The following LTAP1 variants were observed in gnomAD, a reference collection of about 807,000 sequenced individuals.
LTAP1 encodes HCV NS5A-transactivated protein 4.
At chr1:154,207,415 T>A in the LTAP1 span, 4 of 1,603,988 alleles carry the variant, frequency 2.5e-6, no homozygotes, top group Non-Finnish European at 2.6e-6. Context: ...ACATTGCAAC[T>A]GACTGGCTTA....
At chr1:154,220,062 T>C in the LTAP1 span, 12 of 935,308 alleles carry the variant, frequency 1.3e-5, no homozygotes, top group African/African-American at 3.4e-5. Flanking sequence ...AGGGTAAAAC[T>C]TGGGGCAAAG....
chr1:154,219,718 G>A, the LTAP1 span: 502 of 786,704 alleles, frequency 6.4e-4, 5 homozygotes, highest in East Asian at 0.013. Flanking sequence ...GTAAGTACAA[G>A]GACAAGTGCA....
At chr1:154,216,028 G>A in the LTAP1 span, among the ~76,000 whole-genome samples, 53 of 150,918 alleles carry the variant, frequency 3.5e-4, no homozygotes, top group African/African-American at 1.2e-3. Context: ...TAGTAGAGAC[G>A]GGGTTTCACC....
chr1:154,214,494 A>T, the LTAP1 span: 1 of 1,614,038 alleles, frequency 6.2e-7, no homozygotes, highest in Non-Finnish European at 8.5e-7. Context: ...GTAGTCTAGC[A>T]TCATCATCTG....
chr1:154,207,540 G>C, the LTAP1 span: 3 of 1,614,186 alleles, frequency 1.9e-6, no homozygotes, highest in South Asian at 2.2e-5. Flanking sequence ...TCTGACTGGA[G>C]GGGAGGTATG....
the LTAP1 span, among the ~76,000 whole-genome samples, chr1:154,210,336 G>T: frequency 6.6e-6 from 1 of 152,176 alleles, no homozygotes; most frequent in Non-Finnish European, 1.5e-5. Context: ...ACTGCTCCAG[G>T]CCTTGGCCCT....
the LTAP1 span, among the ~76,000 whole-genome samples, chr1:154,217,344 C>A: frequency 1.3e-5 from 2 of 152,160 alleles, no homozygotes; most frequent in East Asian, 1.9e-4. Flanking sequence ...AATGAACATA[C>A]CCCCTTCACC....
the LTAP1 span, among the ~76,000 whole-genome samples, chr1:154,215,861 G>A: frequency 1.4e-5 from 2 of 145,740 alleles, no homozygotes; most frequent in East Asian, 2.0e-4. Flanking sequence ...TTTTTGAGAC[G>A]GAGTCTCGCT....
chr1:154,216,968 G>C, the LTAP1 span, among the ~76,000 whole-genome samples: 19 of 136,436 alleles, frequency 1.4e-4, no homozygotes, highest in Middle Eastern at 4.0e-3. Context: ...TTTTTTTTTT[G>C]ATACAGAGAC....
the LTAP1 span, chr1:154,212,222 T>C: frequency 7.6e-3 from 9,798 of 1,286,146 alleles, 437 homozygotes; most frequent in African/African-American, 0.11. Flanking sequence ...TATGGTATCA[T>C]GGATTTTGTT....
At chr1:154,216,326 T>C in the LTAP1 span, among the ~76,000 whole-genome samples, 1 of 125,426 alleles carries the variant, frequency 8.0e-6, no homozygotes, top group Non-Finnish European at 1.7e-5. Context: ...CTCTGCAACT[T>C]GTTTAAAAAA....
At chr1:154,219,907 T>G in the LTAP1 span, 2 of 1,613,360 alleles carry the variant, frequency 1.2e-6, no homozygotes, top group Non-Finnish European at 1.7e-6. Flanking sequence ...ATGATTTGCC[T>G]CTTCACAAAA....
chr1:154,214,315 A>G, the LTAP1 span: 2 of 669,694 alleles, frequency 3.0e-6, no homozygotes, highest in Non-Finnish European at 5.3e-6. Context: ...CCAGCAAGCT[A>G]ATAAATGGGC....
chr1:154,211,324 C>CTT, the LTAP1 span, among the ~76,000 whole-genome samples: 849 of 34,070 alleles, frequency 0.025, 122 homozygotes, highest in African/African-American at 0.044. Flanking sequence ...TTATTTAATT[C>CTT]TTTTTTTTTT....
At chr1:154,212,280 C>T in the LTAP1 span, 2 of 1,609,114 alleles carry the variant, frequency 1.2e-6, no homozygotes, top group African/African-American at 2.7e-5. Flanking sequence ...TCCAACACTA[C>T]TGTACCAGCT....
the LTAP1 span, among the ~76,000 whole-genome samples, chr1:154,216,427 T>C: frequency 6.6e-6 from 1 of 151,942 alleles, no homozygotes; most frequent in African/African-American, 2.4e-5. Flanking sequence ...CTCCACCTCC[T>C]GAGCTCAGAT....
At chr1:154,214,604 A>C in the LTAP1 span, 2 of 1,419,852 alleles carry the variant, frequency 1.4e-6, no homozygotes, top group Non-Finnish European at 2.0e-6. Flanking sequence ...ATACACAATC[A>C]TTTACCCTGC....
the LTAP1 span, among the ~76,000 whole-genome samples, chr1:154,216,511 A>AT: frequency 4.1e-4 from 58 of 143,118 alleles, no homozygotes; most frequent in East Asian, 6.1e-4. Flanking sequence ...ATTATTAAAC[A>AT]TTTTTTTTTT....
the LTAP1 span, among the ~76,000 whole-genome samples, chr1:154,217,864 T>C: frequency 1.3e-5 from 2 of 152,148 alleles, no homozygotes; most frequent in Non-Finnish European, 2.9e-5. Context: ...CAGAAGTATT[T>C]TGAGGACTTG....
Sources: allele counts gnomAD v4.1 joint callset (sites outside exome capture counted in the v4.1 genomes callset), GRCh38; gene constraint gnomAD v4.1.1; transcripts MANE v1.5; gene names NCBI Gene and HGNC (gene_info 2026-07-23, HGNC 2026-07-21).